The following MAP3K10 variants were observed in gnomAD, a reference collection of about 807,000 sequenced individuals.
MAP3K10 encodes MKN28 derived nonreceptor_type serine/threonine kinase.
Under a neutral mutation model 75.0 loss-of-function variants are expected in MAP3K10, and 22 were observed. That is an observed-to-expected ratio of 0.29 (90% confidence interval 0.21 to 0.42). The LOEUF (loss-of-function observed/expected upper bound fraction) is 0.42, where lower values mean the gene tolerates loss of function less well. MAP3K10 is among the 10% of genes least tolerant of loss of function. The pLI is 1.00. For missense variants in MAP3K10, 1,165 were observed against 1,379.8 expected, an observed-to-expected ratio of 0.84 and a Z score of 2.47; for synonymous variants, 599 against 612.9, an observed-to-expected ratio of 0.98 and a Z score of 0.34.
intron 5 of MAP3K10, among the ~76,000 whole-genome samples, chr19:40,208,345 C>CTTTCT (rs1555756622): frequency 0.078 from 4,327 of 55,790 alleles, 309 homozygotes; most frequent in Non-Finnish European, 0.11. Context: ...CTCTTTCTTT[C>CTTTCT]TTTTTTTTTT....
At chr19:40,193,928 C>T (rs933866538) in intron 1 of MAP3K10, among the ~76,000 whole-genome samples, 24 of 152,188 alleles carry the variant, frequency 1.6e-4, no homozygotes, top group Admixed American at 1.3e-4. Flanking sequence ...ATTTCTGTCA[C>T]TTCTACATCT....
chr19:40,213,549 A>C lies in MAP3K10; in HGVS notation c.1870A>C (p.Ser624Arg), dbSNP rs1357313779. The change falls in exon 9 of 10, where the codon AGC becomes CGC. Residue 624 changes from serine (S) to arginine (R), a missense_variant. Around this residue, in one of 2 missense-constraint regions of MAP3K10, gnomAD observed 590 missense variants for 586.6 expected, o/e 1.01. Coordinates refer to ENST00000253055, the MANE Select transcript of MAP3K10 (RefSeq NM_002446.4). This position sits in a 1 kb window ranked among gnomAD's most constrained non-coding sequence, Gnocchi z 5.7. ...CGCGGAGGCAGAGGATGGAGGCAGC[A>C]GCGTGCCCCCTTCCCCCTACTCGAC... Reference protein sequence around the residue: ...EFAEAEDGGSSVPPSPYSTPS... With the variant: ...EFAEAEDGGSRVPPSPYSTPS... The C allele has an allele frequency of 1.2e-6, 2 of 1,611,956 alleles. No homozygotes were observed. The highest frequency in any genetic ancestry group is 2.2e-5 in the South Asian group (2 of 90,996).
chr19:40,195,471 CTTTTTTTTTTTTTTTT>C (rs61289931), intron 1 of MAP3K10, among the ~76,000 whole-genome samples: 17 of 48,658 alleles, frequency 3.5e-4, no homozygotes, highest in South Asian at 1.2e-3. Flanking sequence ...CCCGCCCGGC[CTTTTTTTTTTTTTTTT>C]TTTTTTTTTT....
Position 40,199,959 on chromosome 19 carries a change from G to A in MAP3K10, c.863+1404G>A, listed in dbSNP as rs144395641. The stretch of plus-strand genomic sequence containing the variant: ...GAATCCCTTGACACCAGGAGTTTGA[G>A]ACCAGCCTGGCCAACATGGTGAAAT... On this transcript the variant is annotated intron_variant, in intron 2 of 9. Coordinates refer to ENST00000253055, the MANE Select transcript of MAP3K10 (RefSeq NM_002446.4). Among the ~76,000 whole-genome samples the A allele has an allele frequency of 9.4e-3, 1,431 of 151,932 alleles. 18 individuals are homozygous for A. Among genetic ancestry groups the A allele is most frequent in the Middle Eastern group, 0.034 (10 of 292 alleles).
Position 40,192,668 on chromosome 19 carries a change from G to C in MAP3K10, c.637G>C (p.Asp213His), listed in dbSNP as rs772795697. Residue 213 changes from aspartate to histidine, a missense_variant, in exon 1 of 10, where the codon GAT (aspartate) becomes CAT (histidine). Transcript: ENST00000253055. This position sits in a 1 kb window ranked among gnomAD's most constrained non-coding sequence, Gnocchi z 7.1. ...VARGMNYLHN[D>H]APVPIIHRDL... ...CCGGGGCATGAACTACCTACACAAT[G>C]ATGCCCCTGTGCCCATCATCCACCG... 6.3e-7 allele frequency: 1 copy of C among 1,578,338 alleles called. No individual in the cohort carries two copies. Among genetic ancestry groups the C allele is most frequent in the South Asian group, 1.2e-5 (1 of 85,166 alleles).
rs1224322004 is a variant in MAP3K10 at position 40,191,577 on chromosome 19, C to T, written c.-455C>T. ...GCGCGCCACCCCGGCCCGGGGCGGCCGCCCCAGGGGCCCCGCCACCCCCGC... is the reference window on the plus strand; with the variant it reads ...GCGCGCCACCCCGGCCCGGGGCGGCTGCCCCAGGGGCCCCGCCACCCCCGC... On this transcript the variant is annotated 5_prime_UTR_variant, in exon 1 of 10. Coordinates refer to ENST00000253055, the MANE Select transcript of MAP3K10 (RefSeq NM_002446.4). 6.8e-6 allele frequency among the ~76,000 whole-genome samples: 1 copy of T among 146,768 alleles called. No homozygotes were observed. The highest frequency in any genetic ancestry group is 6.8e-5 in the Admixed American group (1 of 14,684).
In MAP3K10 at chr19:40,191,913, C is replaced by G. The variant is rs1035644051; in HGVS notation, c.-119C>G. The G allele has an allele frequency of 3.0e-5, 18 of 590,414 alleles. 1 individual carries two copies. The Admixed American group carries it at 3.1e-4, about 10-fold the overall frequency. The allele number at this position is 590,414 out of a possible 1,614,324, so 36.6% of individuals were successfully genotyped here. On this transcript the variant is annotated 5_prime_UTR_variant, in exon 1 of 10. Transcript: ENST00000253055. ...TGCGGAGGGCGCCCCAGCCATGGCC[C>G]TCAGGAGCTCCCTAGACCCCGCAGG...
rs1336411547 is a variant in MAP3K10 at position 40,192,182 on chromosome 19, G to A, written c.151G>A (p.Ala51Thr). The stretch of plus-strand genomic sequence containing the variant: ...CGTCCAGGTGCTTTCCCAAGACTGT[G>A]CGGTGTCCGGCGACGAGGGCTGGTG... ...DRVQVLSQDC[A>T]VSGDEGWWTG... The change falls in exon 1 of 10, where the codon GCG becomes ACG. Residue 51 changes from alanine (A) to threonine (T), a missense_variant. Around this residue, in one of 2 missense-constraint regions of MAP3K10, gnomAD observed 575 missense variants for 793.2 expected, o/e 0.72. Coordinates refer to ENST00000253055, the MANE Select transcript of MAP3K10 (RefSeq NM_002446.4). This position sits in a 1 kb window ranked among gnomAD's most constrained non-coding sequence, Gnocchi z 7.1. 1 of 1,608,382 alleles carries A rather than the reference G, an allele frequency of 6.2e-7. No individual in the cohort carries two copies. Among genetic ancestry groups the A allele is most frequent in the Non-Finnish European group, 8.5e-7 (1 of 1,178,454 alleles).
chr19:40,213,120 C>T lies in MAP3K10; in HGVS notation c.1769C>T (p.Ala590Val). The change falls in exon 8 of 10, where the codon GCC becomes GTC. Residue 590 changes from alanine (A) to valine (V), a missense_variant. Around this residue, in one of 2 missense-constraint regions of MAP3K10, gnomAD observed 590 missense variants for 586.6 expected, o/e 1.01. Transcript: ENST00000253055. This position sits in a 1 kb window ranked among gnomAD's most constrained non-coding sequence, Gnocchi z 5.7. ...GGAAGCAAACAGTGGTCATCAAGTG[C>T]CCCCAACCTGGGCAAGTCCCCCAAA... ...GEGSKQWSSS[A>V]PNLGKSPKHT... 1 of 1,604,518 alleles carries T rather than the reference C, an allele frequency of 6.2e-7. No individual in the cohort carries two copies.
chr19:40,213,998 G>GCCCAGC lies in MAP3K10; in HGVS notation c.2322_2323insAGCCCC (p.Ser775_Pro776dup). Reference sequence around the variant, plus strand: ...ACAGTGACGAGGCCGCACCGGCCGCGCCCTCCCCACCACCCTCCCCGCCCG... The same window carrying GCCCAGC: ...ACAGTGACGAGGCCGCACCGGCCGCGCCCAGCCCCTCCCCACCACCCTCCCCGCCCG... On this transcript the variant is annotated inframe_insertion, in exon 9 of 10. Coordinates refer to ENST00000253055, the MANE Select transcript of MAP3K10 (RefSeq NM_002446.4). This position sits in a 1 kb window ranked among gnomAD's most constrained non-coding sequence, Gnocchi z 5.7. 8 of 1,521,822 alleles carry GCCCAGC rather than the reference G, an allele frequency of 5.3e-6. No homozygotes were observed. The highest frequency in any genetic ancestry group is 2.5e-5 in the East Asian group (1 of 39,528). 94.3% of individuals were successfully genotyped at this position (1,521,822 alleles called of 1,614,324 possible). A position where few individuals can be genotyped will look rare whatever the true frequency, so the allele number is the denominator to read the frequency against.
intron 5 of MAP3K10, among the ~76,000 whole-genome samples, chr19:40,206,585 G>C (rs780708089): frequency 9.9e-5 from 15 of 151,622 alleles, no homozygotes; most frequent in Non-Finnish European, 1.9e-4. Flanking sequence ...CTAAAGGGAA[G>C]AAGAAGAAAA....
chr19:40,208,356 T>TTTTA (rs1973166912), intron 5 of MAP3K10, among the ~76,000 whole-genome samples: 1 of 107,622 alleles, frequency 9.3e-6, no homozygotes, highest in Non-Finnish European at 1.9e-5. Flanking sequence ...TTTTTTTTTT[T>TTTTA]TTTTTTTTTT....
rs1973085678 is a variant in MAP3K10, at chr19:40,204,762, A to G, written c.1012+129A>G. 4 of 1,162,130 alleles carry G rather than the reference A, an allele frequency of 3.4e-6. No homozygotes were observed. In the South Asian group the frequency reaches 4.8e-5, roughly 14 times the overall value. The allele number at this position is 1,162,130 out of a possible 1,614,324, so 72.0% of individuals were successfully genotyped here. On this transcript the variant is annotated intron_variant, in intron 3 of 9. Coordinates refer to ENST00000253055, the MANE Select transcript of MAP3K10 (RefSeq NM_002446.4). The surrounding 1 kb of genome is among the most constrained non-coding windows in gnomAD (Gnocchi z 4.3). The stretch of plus-strand genomic sequence containing the variant: ...AGTGAGGAAGAAGGGGCTGGAACCC[A>G]CTGGACTCTAAACAGCCTCCCCATG...
chr19:40,197,656 A>G (rs1035988124), intron 1 of MAP3K10, among the ~76,000 whole-genome samples: 4 of 152,076 alleles, frequency 2.6e-5, no homozygotes, highest in Non-Finnish European at 5.9e-5. Flanking sequence ...AAAGAATGGC[A>G]AAGTCTCATG....
At position 40,196,501 on chromosome 19, in the gene MAP3K10, A is replaced by G. The variant is rs368223836; in HGVS notation, c.683-1874A>G. On this transcript the variant is annotated intron_variant, in intron 1 of 9. Coordinates refer to ENST00000253055, the MANE Select transcript of MAP3K10 (RefSeq NM_002446.4). ...TGCACTCCAGTCTGAGTGACAGAAA[A>G]AGACCCTGTCTCTTTATTTATTTAT... Among the ~76,000 whole-genome samples, 130 of 152,244 alleles carry G rather than the reference A, an allele frequency of 8.5e-4. 2 individuals carry two copies. In the South Asian group the frequency reaches 0.013, roughly 15 times the overall value.
At position 40,204,960 on chromosome 19, in the gene MAP3K10, T is replaced by C. The variant is rs748538885; in HGVS notation, c.1013-161T>C. 2.7e-5 allele frequency: 19 copies of C among 716,836 alleles called. No individual in the cohort carries two copies. Among genetic ancestry groups the C allele is most frequent in the Non-Finnish European group, 2.9e-5 (12 of 415,546 alleles). 44.4% of individuals were successfully genotyped at this position (716,836 alleles called of 1,614,324 possible). ...TCTCCCAGCGTTTCACTGAGTGGAA[T>C]TGGCCAGGAGCTTGGCTTTGAATCC... On this transcript the variant is annotated intron_variant, in intron 3 of 9. Coordinates refer to ENST00000253055, the MANE Select transcript of MAP3K10 (RefSeq NM_002446.4). The surrounding 1 kb of genome is among the most constrained non-coding windows in gnomAD (Gnocchi z 4.3).
intron 5 of MAP3K10, among the ~76,000 whole-genome samples, chr19:40,206,557 C>T (rs1392763999): frequency 6.6e-6 from 1 of 151,970 alleles, no homozygotes; most frequent in Non-Finnish European, 1.5e-5. Context: ...GTCTGGGCAG[C>T]AGAGCAAGAC....
At position 40,192,635 on chromosome 19, in the gene MAP3K10, C is replaced by A; in HGVS notation, c.604C>A (p.Gln202Lys). 1 of 1,605,408 alleles carries A rather than the reference C, an allele frequency of 6.2e-7. No individual in the cohort carries two copies. The highest frequency in any genetic ancestry group is 8.5e-7 in the Non-Finnish European group (1 of 1,175,734). The change falls in exon 1 of 10, where the codon CAG becomes AAG. Residue 202 changes from glutamine to lysine, a missense_variant. Coordinates refer to ENST00000253055, the MANE Select transcript of MAP3K10 (RefSeq NM_002446.4). The surrounding 1 kb of genome is among the most constrained non-coding windows in gnomAD (Gnocchi z 7.1). ...TCACGTGCTGGTCAACTGGGCTGTG[C>A]AGGTGGCCCGGGGCATGAACTACCT... Reference protein sequence around the residue: ...PPHVLVNWAVQVARGMNYLHN... With the variant: ...PPHVLVNWAVKVARGMNYLHN...
chr19:40,213,167 T>C lies in MAP3K10; in HGVS notation c.1816T>C (p.Phe606Leu), dbSNP rs1176203274. ...CAAACACACACCCATCGCCCCTGGC[T>C]TTGCCAGCCTCAATGAGATGGGTAA... ...SPKHTPIAPGFASLNEMEEFA... is the reference protein window; with the variant it reads ...SPKHTPIAPGLASLNEMEEFA... The change falls in exon 8 of 10, where the codon TTT becomes CTT. Residue 606 changes from phenylalanine (F) to leucine (L), a missense_variant. Physicochemically the swap from Phe to Leu is conservative, Grantham distance 22. Coordinates refer to ENST00000253055, the MANE Select transcript of MAP3K10 (RefSeq NM_002446.4). This position sits in a 1 kb window ranked among gnomAD's most constrained non-coding sequence, Gnocchi z 5.7. 1.3e-6 allele frequency: 2 copies of C among 1,587,758 alleles called. No individual in the cohort carries two copies. The highest frequency in any genetic ancestry group is 4.5e-5 in the East Asian group (2 of 44,158).
Sources: allele counts gnomAD v4.1 joint callset (sites outside exome capture counted in the v4.1 genomes callset), GRCh38; gene constraint gnomAD v4.1.1; regional missense constraint gnomAD v4.1.1; non-coding constraint Gnocchi (gnomAD v3.1); transcripts MANE v1.5; gene names NCBI Gene and HGNC (gene_info 2026-07-23, HGNC 2026-07-21).